PIWIL4: variants seen among roughly 807,000 people sequenced by gnomAD.
The protein encoded by PIWIL4 is piwi-like protein 4.
PIWIL4 carries 50 observed loss-of-function variants against 100.9 expected under a neutral mutation model. That is an observed-to-expected ratio of 0.50 (90% confidence interval 0.39 to 0.63). The LOEUF (loss-of-function observed/expected upper bound fraction) is 0.63. PIWIL4 is among the 20% of genes least tolerant of loss of function. The pLI is 0.00. For missense variants in PIWIL4, 887 were observed against 1,043.3 expected (o/e 0.85, Z 2.06); for synonymous variants, 342 against 367.5 (o/e 0.93, Z 0.79).
intron 15 of PIWIL4, 23 bp downstream of exon 15, chr11:94,608,709 A>G (rs754282339): frequency 4.7e-5 from 74 of 1,574,976 alleles, no homozygotes; most frequent in Middle Eastern, 1.7e-4. Context: ...CTACCTGAAC[A>G]CATGCTTCAT....
chr11:94,599,376 TA>T (rs1423424979), intron 11 of PIWIL4, among the ~76,000 whole-genome samples: 5 of 152,142 alleles, frequency 3.3e-5, no homozygotes, highest in African/African-American at 1.2e-4. Flanking sequence ...AAGATGACAA[TA>T]TCATCAACTT....
intron 9 of PIWIL4, 115 bp from the exon 10 acceptor site, chr11:94,595,194 T>A (rs540883688): frequency 2.7e-6 from 2 of 734,088 alleles, no homozygotes; most frequent in Non-Finnish European, 4.5e-6. Flanking sequence ...TCATTTCTAT[T>A]GGATGTGCTA....
intron 5 of PIWIL4, among the ~76,000 whole-genome samples, chr11:94,584,191 T>A (rs1948366047): frequency 6.6e-6 from 1 of 152,160 alleles, no homozygotes; most frequent in South Asian, 2.1e-4. Context: ...GGCCTGAAAA[T>A]TCACATTTTT....
chr11:94,600,043 A>G (rs1477055845), intron 11 of PIWIL4, among the ~76,000 whole-genome samples: 3 of 152,160 alleles, frequency 2.0e-5, no homozygotes, highest in Admixed American at 6.5e-5. Context: ...TAGTTCTAAC[A>G]GTGGATCTTC....
rs1948111103 is a variant in PIWIL4 at position 94,568,882 on chromosome 11, C to A, written c.166+74C>A. 3 of 1,283,372 alleles carry A rather than the reference C, an allele frequency of 2.3e-6. No homozygotes were observed. In the African/African-American group the frequency reaches 4.4e-5, roughly 19 times the overall value. The allele number at this position is 1,283,372 out of a possible 1,614,324, so 79.5% of individuals were successfully genotyped here. On this transcript the variant is annotated intron_variant, in intron 2 of 19. Transcript: ENST00000299001. ...GCAAGAGGAGCCCTGCCAGGCCTTA[C>A]AGCAGTAGGCCCACCTCTTGCACAT...
At chr11:94,605,062 A>G (rs1948697077) in intron 13 of PIWIL4, among the ~76,000 whole-genome samples, 1 of 152,116 alleles carries the variant, frequency 6.6e-6, no homozygotes, top group Admixed American at 6.5e-5. Context: ...TTTTTTGCTG[A>G]ACTATTTGAG....
intron 14 of PIWIL4, 21 bp downstream of exon 14, chr11:94,607,660 T>G: frequency 6.3e-7 from 1 of 1,594,170 alleles, no homozygotes. Context: ...TGTCACATTT[T>G]TTCTATTAGT....
chr11:94,619,412 T>G (rs1161153857), intron 17 of PIWIL4, among the ~76,000 whole-genome samples: 1 of 151,968 alleles, frequency 6.6e-6, no homozygotes, highest in Non-Finnish European at 1.5e-5. Flanking sequence ...GGAAAATAGG[T>G]TGAGTCACTA....
intron 7 of PIWIL4, among the ~76,000 whole-genome samples, chr11:94,588,537 T>C (rs1048399705): frequency 2.0e-5 from 3 of 152,202 alleles, no homozygotes; most frequent in Non-Finnish European, 4.4e-5. Flanking sequence ...AAACCTGCTG[T>C]GGTAGTTTCT....
At position 94,596,783 on chromosome 11, in the gene PIWIL4, C is replaced by T. The variant is rs147370006; in HGVS notation, c.1269-1021C>T. Among the ~76,000 whole-genome samples, 438 of 152,274 alleles carry T rather than the reference C, an allele frequency of 2.9e-3. 4 individuals are homozygous for T. The highest frequency in any genetic ancestry group is 0.01 in the African/African-American group (417 of 41,554). On this transcript the variant is annotated intron_variant, in intron 10 of 19. Transcript: ENST00000299001. ...TTTCCTGACCAATGATGGCCTCACT[C>T]ATCTCATCTTGGGCAGTTGGTATCT...
rs1438006412 is a variant in PIWIL4 at position 94,595,363 on chromosome 11, A to T, written c.1205A>T (p.Lys402Met). Residue 402 changes from lysine (K) to methionine (M), a missense_variant, in exon 10 of 20, where the codon AAG becomes ATG. Physicochemically the swap from Lys to Met is moderately conservative, Grantham distance 95 (BLOSUM62 -1). This residue lies in a region of PIWIL4 where 741 missense variants were observed against 930.0 expected (regional missense o/e 0.80). Coordinates refer to ENST00000299001, the MANE Select transcript of PIWIL4 (RefSeq NM_152431.3). ...DFQLMKAVAE[K>M]TRLSPSGRQQ... ...CAGCTGATGAAGGCTGTGGCTGAAA[A>T]GACACGTCTCAGTCCTTCAGGCCGG... The T allele has an allele frequency of 1.2e-6, 2 of 1,614,052 alleles. No homozygotes were observed. Among genetic ancestry groups the T allele is most frequent in the Admixed American group, 3.3e-5 (2 of 60,030 alleles).
chr11:94,587,542 C>T (rs2186623), intron 7 of PIWIL4, among the ~76,000 whole-genome samples: 18,506 of 152,232 alleles, frequency 0.12, 1,209 homozygotes, highest in South Asian at 0.19. Flanking sequence ...CAATTCAGTT[C>T]ACTTCAGTTG....
chr11:94,606,829 G>A lies in PIWIL4; in HGVS notation c.1639-610G>A, dbSNP rs1281983679. Among the ~76,000 whole-genome samples the A allele has an allele frequency of 1.5e-4, 21 of 138,308 alleles. No homozygotes were observed. The Admixed American group carries it at 1.6e-3, about 10-fold the overall frequency. The allele number at this position is 138,308 out of a possible 152,430, so 90.7% of individuals were successfully genotyped here. ...AGCCTGGGTGACAGTGTGAGACTCT[G>A]TCTCAAAAAAAAAAAAAAAGCCAGG... is the stretch of plus-strand genomic sequence containing the variant. On this transcript the variant is annotated intron_variant, in intron 13 of 19. Coordinates refer to ENST00000299001, the MANE Select transcript of PIWIL4 (RefSeq NM_152431.3).
At chr11:94,613,116 G>T (rs753436600) in intron 15 of PIWIL4, among the ~76,000 whole-genome samples, 6 of 152,082 alleles carry the variant, frequency 3.9e-5, no homozygotes, top group Admixed American at 1.3e-4. Flanking sequence ...TCAGCTTGAA[G>T]AACTCCCTTT....
In PIWIL4 at chr11:94,598,705, CTTTT is replaced by C. The variant is rs769342028; in HGVS notation, c.1380+808_1380+811del. 6.4e-5 allele frequency among the ~76,000 whole-genome samples: 7 copies of C among 110,082 alleles called. 1 individual carries two copies. Among genetic ancestry groups the C allele is most frequent in the Admixed American group, 9.9e-5 (1 of 10,074 alleles). The allele number at this position is 110,082 out of a possible 152,430, so 72.2% of individuals were successfully genotyped here. ...GTAGAATGGGGGGAATTTTTTCCAT[CTTTT>C]TTTTTTTTTTTTTTTTTGAGACAGG... On this transcript the variant is annotated intron_variant, in intron 11 of 19. Transcript: ENST00000299001.
chr11:94,601,307 G>A (rs148592566), intron 11 of PIWIL4, among the ~76,000 whole-genome samples: 92 of 152,172 alleles, frequency 6.0e-4, no homozygotes, highest in East Asian at 2.7e-3. Context: ...CAGTCCCTCC[G>A]TTTGGGGTCC....
chr11:94,603,389 T>A (rs918585755), intron 12 of PIWIL4, among the ~76,000 whole-genome samples: 2 of 152,228 alleles, frequency 1.3e-5, no homozygotes, highest in African/African-American at 4.8e-5. Context: ...TGAGAATTAC[T>A]TTTGGAGCTG....
At chr11:94,596,650 G>A (rs1316269753) in intron 10 of PIWIL4, among the ~76,000 whole-genome samples, 1 of 152,016 alleles carries the variant, frequency 6.6e-6, no homozygotes, top group Admixed American at 6.6e-5. Context: ...TCAGACTTAT[G>A]CCGAATTGAG....
At position 94,619,743 on chromosome 11, in the gene PIWIL4, G is replaced by C. The variant is rs1346847562; in HGVS notation, c.2169-17G>C. 1.2e-6 allele frequency: 2 copies of C among 1,605,282 alleles called. No homozygotes were observed. Among genetic ancestry groups the C allele is most frequent in the South Asian group, 1.1e-5 (1 of 88,994 alleles). On this transcript the variant is annotated splice_polypyrimidine_tract_variant and intron_variant, in intron 17 of 19. Transcript: ENST00000299001. ...TTGGATTGAGTTCTTTTCATATTTT[G>C]CCTCTCTAATTTTTAGCTCAAGACT...
Sources: allele counts gnomAD v4.1 joint callset (sites outside exome capture counted in the v4.1 genomes callset), GRCh38; gene constraint gnomAD v4.1.1; regional missense constraint gnomAD v4.1.1; transcripts MANE v1.5; gene names NCBI Gene and HGNC (gene_info 2026-07-23, HGNC 2026-07-21).